The following CSMD1 variants were observed in gnomAD, a reference collection of about 807,000 sequenced individuals.
CSMD1 encodes the protein CUB and sushi domain-containing protein 1.
In CSMD1, 213 loss-of-function variants were observed where a neutral mutation model predicts 417.5. That is an observed-to-expected ratio of 0.51 (90% CI 0.46 to 0.57). CSMD1 has a LOEUF of 0.57. Among genes scored for constraint, CSMD1 ranks in the 20% least tolerant of loss-of-function variants. CSMD1 has a pLI of 0.00. For missense variants in CSMD1, 6,923 were observed against 4,529.7 expected (o/e 1.53, Z -15.17); for synonymous variants, 2,862 against 1,736.8 (o/e 1.65, Z -16.11).
At chr8:4,386,445 C>G (rs1420164147) in intron 3 of CSMD1, among the ~76,000 whole-genome samples, 1 of 152,244 alleles carries the variant, frequency 6.6e-6, no homozygotes, top group Non-Finnish European at 1.5e-5. Context: ...ATCAGACATT[C>G]TCCTCTCTTT....
chr8:3,260,899 C>G (rs1384656966), intron 26 of CSMD1, among the ~76,000 whole-genome samples: 2 of 152,112 alleles, frequency 1.3e-5, no homozygotes, highest in African/African-American at 4.8e-5. Context: ...AGCCACGTAT[C>G]TGACAACAGA....
intron 3 of CSMD1, among the ~76,000 whole-genome samples, chr8:4,214,675 T>G (rs1447234872): frequency 6.6e-6 from 1 of 152,032 alleles, no homozygotes; most frequent in African/African-American, 2.4e-5. Context: ...TGAGTATGAG[T>G]GTGTTTGGTG....
intron 30 of CSMD1, among the ~76,000 whole-genome samples, chr8:3,211,396 A>G (rs1038227813): frequency 2.0e-5 from 3 of 152,214 alleles, no homozygotes; most frequent in Non-Finnish European, 2.9e-5. Flanking sequence ...TGTGTGGTCT[A>G]TAACAGCTGC....
chr8:3,359,329 C>A lies in CSMD1; in HGVS notation c.3127G>T (p.Glu1043Ter). ...GGGACTCCAGGATCATCACATGGCTCCAGGTCATATTCTGAGGCATGCAGA... is the reference window on the plus strand; with the variant it reads ...GGGACTCCAGGATCATCACATGGCTACAGGTCATATTCTGAGGCATGCAGA... Reference protein sequence around the residue: ...FNITFSEYDLEPCDDPGVPAF... With the variant: ...FNITFSEYDL Residue 1043 changes from glutamate (E) to a stop codon, truncating the protein, a stop_gained, in exon 21 of 70, where the codon GAG becomes TAG. Transcript: ENST00000635120. LOFTEE classifies it high-confidence loss of function. 1 of 1,613,148 alleles carries A rather than the reference C, an allele frequency of 6.2e-7. No homozygotes were observed. The highest frequency in any genetic ancestry group is 8.5e-7 in the Non-Finnish European group (1 of 1,179,678).
intron 3 of CSMD1, among the ~76,000 whole-genome samples, chr8:4,416,015 A>G (rs975363490): frequency 6.6e-6 from 1 of 152,212 alleles, no homozygotes; most frequent in African/African-American, 2.4e-5. Flanking sequence ...TGATAATAAT[A>G]GATCACCTTA....
chr8:3,523,075 G>A (rs945515196), intron 10 of CSMD1, among the ~76,000 whole-genome samples: 3 of 150,648 alleles, frequency 2.0e-5, no homozygotes, highest in African/African-American at 7.3e-5. Flanking sequence ...ATTGAATTCA[G>A]GTCTCTAACT....
At chr8:3,089,505 A>G (rs1427446125) in intron 48 of CSMD1, among the ~76,000 whole-genome samples, 3 of 152,156 alleles carry the variant, frequency 2.0e-5, no homozygotes, top group Non-Finnish European at 4.4e-5. Context: ...AATGATCAAG[A>G]GTTTACGTGC....
intron 4 of CSMD1, among the ~76,000 whole-genome samples, chr8:4,003,137 T>C (rs559543518): frequency 9.9e-5 from 15 of 152,166 alleles, no homozygotes; most frequent in Non-Finnish European, 2.1e-4. Context: ...CTGATGCCTG[T>C]AGTCCCAACA....
chr8:3,500,911 G>C (rs4602914), intron 10 of CSMD1, among the ~76,000 whole-genome samples: 15,226 of 152,042 alleles, frequency 0.1, 886 homozygotes, highest in East Asian at 0.19. Context: ...GTGTCAGAGA[G>C]GATTTTTTCT....
chr8:4,671,816 C>T (rs767768474), intron 1 of CSMD1, among the ~76,000 whole-genome samples: 4 of 152,048 alleles, frequency 2.6e-5, no homozygotes, highest in Non-Finnish European at 4.4e-5. Flanking sequence ...AAGGAGCCAG[C>T]GAAAAACTTA....
intron 12 of CSMD1, among the ~76,000 whole-genome samples, chr8:3,411,561 G>A (rs573058037): frequency 6.6e-6 from 1 of 151,382 alleles, no homozygotes; most frequent in South Asian, 2.1e-4. Context: ...TTGCATTCCT[G>A]GGTTACTTCA....
chr8:4,165,041 T>C lies in CSMD1; in HGVS notation c.416-132942A>G, dbSNP rs186289955. Among the ~76,000 whole-genome samples, 33 of 152,282 alleles carry C rather than the reference T, an allele frequency of 2.2e-4. No individual in the cohort carries two copies. In the East Asian group the frequency reaches 5.4e-3, roughly 25 times the overall value. On this transcript the variant is annotated intron_variant, in intron 3 of 69. Coordinates refer to ENST00000635120, the MANE Select transcript of CSMD1 (RefSeq NM_033225.6). ...GTCCATGACACCTGAGGTTTCTGTA[T>C]TGGTAGAGGCTGTGTAGACAGTGAA... is the stretch of plus-strand genomic sequence containing the variant.
chr8:4,745,651 A>C (rs999555714), intron 1 of CSMD1, among the ~76,000 whole-genome samples: 1 of 152,218 alleles, frequency 6.6e-6, no homozygotes, highest in Admixed American at 6.5e-5. Context: ...AAGTAGAAAT[A>C]AAAGAAAAAG....
chr8:4,387,147 A>G (rs1206677785), intron 3 of CSMD1, among the ~76,000 whole-genome samples: 1 of 152,204 alleles, frequency 6.6e-6, no homozygotes, highest in Non-Finnish European at 1.5e-5. Flanking sequence ...GAAATTTCTT[A>G]ATTTGGAAAA....
chr8:2,961,292 G>T (rs986983431), intron 61 of CSMD1, 78 bp from the exon 62 acceptor site: 8 of 800,344 alleles, frequency 1.0e-5, no homozygotes, highest in Admixed American at 4.9e-5. Context: ...TCACTAAAAG[G>T]TCTCATGAAA....
In CSMD1 at chr8:3,928,859, G is replaced by C. The variant is rs774327437; in HGVS notation, c.818+69044C>G. Reference sequence around the variant, plus strand: ...TCATGCTGTCACTATACAAGGGTAGGAGAAATGTCATGGAGCTTTCCACTG... The same window carrying C: ...TCATGCTGTCACTATACAAGGGTAGCAGAAATGTCATGGAGCTTTCCACTG... On this transcript the variant is annotated intron_variant, in intron 5 of 69. Coordinates refer to ENST00000635120, the MANE Select transcript of CSMD1 (RefSeq NM_033225.6). Among the ~76,000 whole-genome samples, 77 of 146,946 alleles carry C rather than the reference G, an allele frequency of 5.2e-4. 4 individuals are homozygous for C. The highest frequency in any genetic ancestry group is 1.7e-3 in the Admixed American group (25 of 14,754).
chr8:2,980,328 C>T (rs1805295369), intron 54 of CSMD1, among the ~76,000 whole-genome samples: 1 of 151,834 alleles, frequency 6.6e-6, no homozygotes, highest in Non-Finnish European at 1.5e-5. Context: ...CCTCCTCCTC[C>T]TCCTCCTCCT....
chr8:4,982,824 G>A (rs1158846631), intron 1 of CSMD1, among the ~76,000 whole-genome samples: 5 of 152,130 alleles, frequency 3.3e-5, no homozygotes, highest in Non-Finnish European at 7.3e-5. Context: ...TCAACACCCT[G>A]ACGACATGCC....
At chr8:4,968,716 G>T (rs891919714) in intron 1 of CSMD1, among the ~76,000 whole-genome samples, 2 of 152,080 alleles carry the variant, frequency 1.3e-5, no homozygotes, top group African/African-American at 4.8e-5. Flanking sequence ...AGTGGCAGCA[G>T]ATAAACGTTT....
Sources: gnomAD v4.1 joint callset for allele counts (sites outside exome capture counted in the v4.1 genomes callset) on GRCh38, gnomAD v4.1.1 for gene constraint, MANE v1.5 for transcripts, NCBI Gene and HGNC (gene_info 2026-07-23, HGNC 2026-07-21) for gene names.